Variants in THADA observed in about 807,000 individuals in gnomAD.
THADA encodes tRNA (32-2'-O)-methyltransferase regulator THADA.
In THADA, 213 loss-of-function variants were observed where a neutral mutation model predicts 219.8. That is an observed-to-expected ratio of 0.97 (90% confidence interval 0.87 to 1.09). The LOEUF (loss-of-function observed/expected upper bound fraction) is 1.09. THADA is among the 50% of genes least tolerant of loss of function. The pLI, the probability that THADA is intolerant of heterozygous loss-of-function variation, is 0.00. For missense variants in THADA, 2,956 were observed against 2,311.3 expected, an observed-to-expected ratio of 1.28 and a Z score of -5.72; for synonymous variants, 1,018 against 828.9, an observed-to-expected ratio of 1.23 and a Z score of -3.92.
Position 43,292,887 on chromosome 2 carries a change from C to T in THADA, c.4765G>A (p.Glu1589Lys). 6.2e-7 allele frequency: 1 copy of T among 1,613,988 alleles called. No homozygotes were observed. The highest frequency in any genetic ancestry group is 1.1e-5 in the South Asian group (1 of 91,086). The stretch of plus-strand genomic sequence containing the variant: ...TTCATGGCCAACAATAAGAACTTCT[C>T]TCCCATGTTGCACAGCAAGGGTGGC... ...GVPPLLCNMG[E>K]KFLLLAMKEN... Residue 1589 changes from glutamate to lysine, a missense_variant, in exon 32 of 38, where the codon GAG becomes AAG. Glu to Lys is a moderately conservative substitution (Grantham distance 56). Transcript: ENST00000405975.
At chr2:43,583,935 G>C (rs1700733153) in intron 7 of THADA, among the ~76,000 whole-genome samples, 1 of 150,418 alleles carries the variant, frequency 6.6e-6, no homozygotes, top group South Asian at 2.1e-4. Context: ...AGCTACTCCA[G>C]AGGCTGAGGT....
chr2:43,279,634 T>C (rs1673109069), intron 36 of THADA, 131 bp downstream of exon 36: 1 of 1,214,194 alleles, frequency 8.2e-7, no homozygotes, highest in African/African-American at 1.6e-5. Context: ...GCTTTCCCAC[T>C]AAGATGGCAG....
intron 31 of THADA, among the ~76,000 whole-genome samples, chr2:43,296,570 C>G (rs1206379300): frequency 6.6e-6 from 1 of 152,160 alleles, no homozygotes; most frequent in Non-Finnish European, 1.5e-5. Flanking sequence ...GCCACTGAGC[C>G]CAGCCAGGCA....
At chr2:43,432,782 G>C (rs993859330) in intron 26 of THADA, among the ~76,000 whole-genome samples, 2 of 152,116 alleles carry the variant, frequency 1.3e-5, no homozygotes, top group African/African-American at 2.4e-5. Flanking sequence ...GACTAATGAC[G>C]TTGAGCACTT....
intron 26 of THADA, among the ~76,000 whole-genome samples, chr2:43,457,513 G>A (rs1025695153): frequency 6.6e-6 from 1 of 152,056 alleles, no homozygotes; most frequent in African/African-American, 2.4e-5. Context: ...AGGAAACAAG[G>A]AGCCTAGAAA....
intron 36 of THADA, among the ~76,000 whole-genome samples, chr2:43,267,310 C>A (rs1671631634): frequency 6.6e-6 from 1 of 152,182 alleles, no homozygotes; most frequent in South Asian, 2.1e-4. Flanking sequence ...GGTGGACTCC[C>A]AACAGTTTAG....
At chr2:43,238,032 T>C (rs1193270648) in intron 36 of THADA, among the ~76,000 whole-genome samples, 2 of 135,508 alleles carry the variant, frequency 1.5e-5, no homozygotes, top group African/African-American at 5.6e-5. Flanking sequence ...GGCAGGAGAG[T>C]TGCTTGAACC....
At chr2:43,427,559 C>T (rs1256375160) in intron 28 of THADA, among the ~76,000 whole-genome samples, 2 of 144,882 alleles carry the variant, frequency 1.4e-5, no homozygotes, top group South Asian at 2.2e-4. Flanking sequence ...TATATATACA[C>T]GCACACACAC....
chr2:43,242,826 A>G (rs546200419), intron 36 of THADA, among the ~76,000 whole-genome samples: 1 of 152,298 alleles, frequency 6.6e-6, no homozygotes, highest in East Asian at 1.9e-4. Context: ...TAAGCTGCTC[A>G]TAAGTACTGA....
chr2:43,549,226 A>G lies in THADA; in HGVS notation c.3090T>C (p.Thr1030=). ...ACAAGTTACCTTTGATTTCTGTAGA[A>G]GTATCAATATTCACCACACTAGCAT... The part of the protein sequence containing the change: ...DLNASVVNID[T]STEIKGKEVK... Residue 1030 remains threonine (T), a synonymous_variant, in exon 20 of 38, where the codon ACT becomes ACC. Transcript: ENST00000405975. The G allele has an allele frequency of 6.3e-7, 1 of 1,576,802 alleles. No homozygotes were observed. The highest frequency in any genetic ancestry group is 8.6e-7 in the Non-Finnish European group (1 of 1,162,164).
At chr2:43,357,715 G>C (rs1669034359) in intron 29 of THADA, among the ~76,000 whole-genome samples, 1 of 152,122 alleles carries the variant, frequency 6.6e-6, no homozygotes, top group African/African-American at 2.4e-5. Context: ...AGAAGTTGTA[G>C]ATTTATATAG....
chr2:43,511,022 G>A (rs1249814648), intron 22 of THADA, among the ~76,000 whole-genome samples: 1 of 150,666 alleles, frequency 6.6e-6, no homozygotes, highest in Non-Finnish European at 1.5e-5. Flanking sequence ...TTTTTTTGGT[G>A]ATTTAGCTAC....
Position 43,552,208 on chromosome 2 carries a change from G to C in THADA, c.2806C>G (p.Leu936Val), listed in dbSNP as rs1296735987. The change falls in exon 18 of 38, where the codon CTA becomes GTA. Residue 936 changes from leucine to valine, a missense_variant. Transcript: ENST00000405975. ...CITGALQKLS[L>V]NSLQLVSEWR... ...GGCAGCTGTGGAAATCCTTACTTTA[G>C]AGATAACTTCTGCAAAGCTCCTGTT... The C allele has an allele frequency of 1.2e-6, 2 of 1,607,104 alleles. No individual in the cohort carries two copies. Among genetic ancestry groups the C allele is most frequent in the East Asian group, 2.2e-5 (1 of 44,832 alleles).
At chr2:43,238,667 A>C (rs1321677300) in intron 36 of THADA, among the ~76,000 whole-genome samples, 2 of 152,256 alleles carry the variant, frequency 1.3e-5, no homozygotes, top group Non-Finnish European at 2.9e-5. Context: ...ATAAATGTTC[A>C]TAGCAGCCTT....
At chr2:43,281,141 G>C (rs958185611) in intron 35 of THADA, among the ~76,000 whole-genome samples, 1 of 152,172 alleles carries the variant, frequency 6.6e-6, no homozygotes, top group Admixed American at 6.5e-5. Flanking sequence ...TACCTCATCT[G>C]TACATGGAGA....
At chr2:43,502,518 G>C (rs977503789) in intron 24 of THADA, among the ~76,000 whole-genome samples, 17 of 149,056 alleles carry the variant, frequency 1.1e-4, no homozygotes, top group African/African-American at 3.5e-4. Context: ...CTGGAAGGCA[G>C]AGGTTGCAGT....
intron 36 of THADA, among the ~76,000 whole-genome samples, chr2:43,266,121 C>T (rs1011179941): frequency 6.6e-6 from 1 of 152,068 alleles, no homozygotes; most frequent in Non-Finnish European, 1.5e-5. Context: ...CCAACCTGTC[C>T]CAGTGTAACC....
rs72865215 is a variant in THADA at position 43,476,558 on chromosome 2, T to A, written c.3836+8676A>T. On this transcript the variant is annotated intron_variant, in intron 26 of 37. Coordinates refer to ENST00000405975, the MANE Select transcript of THADA (RefSeq NM_022065.5). The stretch of plus-strand genomic sequence containing the variant: ...CGCAGCCAAAAGGATTCTAGCTGCA[T>A]AAGTCTGAATTATTTCAAGCCTCTG... Among the ~76,000 whole-genome samples, 1,343 of 152,334 alleles carry A rather than the reference T, an allele frequency of 8.8e-3. 22 individuals are homozygous for A. The highest frequency in any genetic ancestry group is 0.031 in the African/African-American group (1,287 of 41,576).
At chr2:43,514,709 T>C (rs1380801428) in intron 22 of THADA, among the ~76,000 whole-genome samples, 1 of 73,784 alleles carries the variant, frequency 1.4e-5, no homozygotes, top group Non-Finnish European at 2.3e-5. Context: ...ATAATATATA[T>C]ATAAATATAT....
Sources: allele counts gnomAD v4.1 joint callset (sites outside exome capture counted in the v4.1 genomes callset), GRCh38; gene constraint gnomAD v4.1.1; transcripts MANE v1.5; gene names NCBI Gene and HGNC (gene_info 2026-07-23, HGNC 2026-07-21).